The following CACNA1E variants were observed in gnomAD, a reference collection of about 807,000 sequenced individuals.
CACNA1E encodes voltage-dependent R-type calcium channel subunit alpha-1E.
CACNA1E carries 40 observed loss-of-function variants against 259.2 expected under a neutral mutation model. That is an observed-to-expected ratio of 0.15 (90% CI 0.12 to 0.20). The LOEUF (loss-of-function observed/expected upper bound fraction) is 0.20, where lower values mean the gene tolerates loss of function less well. Among genes scored for constraint, CACNA1E ranks in the 10% least tolerant of loss-of-function variants. CACNA1E has a pLI of 1.00. For synonymous variants in CACNA1E, 1,104 were observed against 1,138.5 expected (o/e 0.97, Z 0.61); for missense variants, 1,874 against 3,040.1 (o/e 0.62, Z 9.02).
At chr1:181,630,390 C>T (rs549700386) in intron 6 of CACNA1E, among the ~76,000 whole-genome samples, 6 of 149,954 alleles carry the variant, frequency 4.0e-5, no homozygotes, top group African/African-American at 1.5e-4. Context: ...ACATGCCCCC[C>T]CACCCCGCCT....
At chr1:181,364,597 C>T (rs1286614860) in intron 1 of CACNA1E, among the ~76,000 whole-genome samples, 1 of 152,042 alleles carries the variant, frequency 6.6e-6, no homozygotes, top group East Asian at 1.9e-4. Context: ...CAGGAAGCTA[C>T]AAGAAAGATT....
chr1:181,497,717 A>G lies in CACNA1E; in HGVS notation c.267-12760A>G, dbSNP rs527896628. Among the ~76,000 whole-genome samples, 133 of 152,292 alleles carry G rather than the reference A, an allele frequency of 8.7e-4. 3 individuals are homozygous for G. The South Asian group carries it at 0.027, about 31-fold the overall frequency. The stretch of plus-strand genomic sequence containing the variant: ...ATTGTTTCATGCTGCCTTGGGTTAG[A>G]CCAGAAGACCAGCAGGTACTCTTCC... On this transcript the variant is annotated intron_variant, in intron 1 of 47. Coordinates refer to ENST00000367573, the MANE Select transcript of CACNA1E (RefSeq NM_001205293.3).
At chr1:181,559,320 T>C (rs1212864431) in intron 3 of CACNA1E, among the ~76,000 whole-genome samples, 1 of 151,990 alleles carries the variant, frequency 6.6e-6, no homozygotes, top group African/African-American at 2.4e-5. Flanking sequence ...TGTTGGAGAG[T>C]GGAAATGCCC....
intron 2 of CACNA1E, among the ~76,000 whole-genome samples, chr1:181,422,139 C>T (rs1003540779): frequency 4.6e-5 from 7 of 152,210 alleles, no homozygotes; most frequent in African/African-American, 1.7e-4. Flanking sequence ...GATACTTCCT[C>T]AGAGAGGCTG....
chr1:181,751,282 A>T (rs1188095000), intron 26 of CACNA1E, among the ~76,000 whole-genome samples: 6 of 152,282 alleles, frequency 3.9e-5, no homozygotes, highest in Admixed American at 1.3e-4. Context: ...AAAGAGAAAC[A>T]TACTGTCACT....
At chr1:181,390,555 TC>T (rs1413046959) in intron 1 of CACNA1E, among the ~76,000 whole-genome samples, 1 of 152,022 alleles carries the variant, frequency 6.6e-6, no homozygotes, top group Non-Finnish European at 1.5e-5. Context: ...AGAGTGTAAA[TC>T]CATGAGTCAG....
rs137975506 is a variant in CACNA1E, at chr1:181,563,990, G to T, written c.513-13776G>T. Among the ~76,000 whole-genome samples, 954 of 152,232 alleles carry T rather than the reference G, an allele frequency of 6.3e-3. 8 individuals are homozygous for T. Among genetic ancestry groups the T allele is most frequent in the African/African-American group, 0.021 (868 of 41,528 alleles). On this transcript the variant is annotated intron_variant, in intron 3 of 47. Transcript: ENST00000367573. The stretch of plus-strand genomic sequence containing the variant: ...GTACATCTCTTAAAAATACTTTATT[G>T]CTAAGAAATGCTCATGATTATCTAA...
chr1:181,606,591 A>G (rs1654261447), intron 6 of CACNA1E, among the ~76,000 whole-genome samples: 1 of 152,200 alleles, frequency 6.6e-6, no homozygotes, highest in East Asian at 1.9e-4. Context: ...CTCCATGGCC[A>G]GAAGGATTTT....
At chr1:181,755,123 C>G in intron 27 of CACNA1E, 114 bp from the exon 28 acceptor site, 1 of 762,410 alleles carries the variant, frequency 1.3e-6, no homozygotes, top group Non-Finnish European at 2.1e-6. Context: ...AAATTCTCTC[C>G]TGGGACAACT....
intron 1 of CACNA1E, among the ~76,000 whole-genome samples, chr1:181,488,900 T>C (rs1014403951): frequency 2.0e-5 from 3 of 152,212 alleles, no homozygotes; most frequent in African/African-American, 7.2e-5. Flanking sequence ...GTAGGTGTTT[T>C]TCCCCCTCAA....
intron 3 of CACNA1E, among the ~76,000 whole-genome samples, chr1:181,561,184 T>C (rs1051637416): frequency 6.6e-6 from 1 of 152,180 alleles, no homozygotes; most frequent in Non-Finnish European, 1.5e-5. Flanking sequence ...AATAGGAATG[T>C]ACTTAATGCC....
intron 1 of CACNA1E, among the ~76,000 whole-genome samples, chr1:181,380,530 A>G (rs939415417): frequency 2.6e-5 from 4 of 152,222 alleles, no homozygotes; most frequent in African/African-American, 9.6e-5. Context: ...TTGCAAAAAT[A>G]GTTTGTTTGC....
chr1:181,696,157 A>T (rs551512060), intron 7 of CACNA1E, among the ~76,000 whole-genome samples: 1 of 152,342 alleles, frequency 6.6e-6, no homozygotes, highest in South Asian at 2.1e-4. Flanking sequence ...AAAAGATGCC[A>T]TTAAGAAAAT....
intron 1 of CACNA1E, among the ~76,000 whole-genome samples, chr1:181,393,270 T>G (rs941096857): frequency 2.0e-5 from 3 of 152,214 alleles, no homozygotes; most frequent in African/African-American, 7.2e-5. Context: ...TTTCCTCATC[T>G]GTAAGATGGG....
intron 3 of CACNA1E, among the ~76,000 whole-genome samples, chr1:181,565,228 A>G (rs1180673269): frequency 1.3e-5 from 2 of 152,230 alleles, no homozygotes; most frequent in African/African-American, 4.8e-5. Context: ...TGTGAGTGAC[A>G]GAAACCTAAC....
intron 25 of CACNA1E, among the ~76,000 whole-genome samples, chr1:181,747,807 T>C (rs545593241): frequency 1.3e-5 from 2 of 152,366 alleles, no homozygotes; most frequent in Non-Finnish European, 2.9e-5. Context: ...ATGTCTTCCT[T>C]GCAATCTTGT....
chr1:181,676,187 G>C (rs1234135830), intron 7 of CACNA1E, among the ~76,000 whole-genome samples: 1 of 152,196 alleles, frequency 6.6e-6, no homozygotes, highest in Non-Finnish European at 1.5e-5. Context: ...GAATGTGAAA[G>C]CCAAGAAGGA....
chr1:181,798,099 G>A lies in CACNA1E; in HGVS notation c.6400-193G>A, dbSNP rs918584264. ...GGTTTGTATGCACAAAGTCTGAGAT[G>A]TCCTGGTCTAAATGTTCTTGACTCC... is the stretch of plus-strand genomic sequence containing the variant. On this transcript the variant is annotated intron_variant, in intron 47 of 47. Transcript: ENST00000367573. This position sits in a 1 kb window ranked among gnomAD's most constrained non-coding sequence, Gnocchi z 4.2. Among the ~76,000 whole-genome samples, 5 of 152,200 alleles carry A rather than the reference G, an allele frequency of 3.3e-5. No homozygotes were observed. The highest frequency in any genetic ancestry group is 7.3e-5 in the Non-Finnish European group (5 of 68,040).
chr1:181,739,287 T>G (rs1243642752), intron 25 of CACNA1E, 34 bp downstream of exon 25: 1 of 1,343,544 alleles, frequency 7.4e-7, no homozygotes, highest in Non-Finnish European at 1.1e-6. Context: ...ATTCCCTTCC[T>G]TCCCCTCTTC....
Sources: gnomAD v4.1 joint callset for allele counts (sites outside exome capture counted in the v4.1 genomes callset) on GRCh38, gnomAD v4.1.1 for gene constraint, Gnocchi (gnomAD v3.1) non-coding constraint, MANE v1.5 for transcripts, NCBI Gene and HGNC (gene_info 2026-07-23, HGNC 2026-07-21) for gene names.